CHRM5: variants seen among roughly 807,000 people sequenced by gnomAD.
The protein encoded by CHRM5 is muscarinic acetylcholine receptor M5.
Under a neutral mutation model 39.0 loss-of-function variants are expected in CHRM5, and 18 were observed. That is an observed-to-expected ratio of 0.46 (90% CI 0.32 to 0.68). The LOEUF is 0.68. Among genes scored for constraint, CHRM5 ranks in the 30% least tolerant of loss-of-function variants. The pLI, the probability that CHRM5 is intolerant of heterozygous loss-of-function variation, is 0.04. For synonymous variants in CHRM5, 241 were observed against 246.3 expected, an observed-to-expected ratio of 0.98 and a Z score of 0.20; for missense variants, 515 against 651.1, an observed-to-expected ratio of 0.79 and a Z score of 2.28.
At chr15:33,993,906 C>A (rs1896829831) in intron 1 of CHRM5, among the ~76,000 whole-genome samples, 1 of 152,100 alleles carries the variant, frequency 6.6e-6, no homozygotes, top group South Asian at 2.1e-4. Context: ...GGGCATGTTT[C>A]TTTTACTTCA....
intron 1 of CHRM5, among the ~76,000 whole-genome samples, chr15:33,998,022 T>G (rs1361510271): frequency 1.3e-5 from 2 of 152,160 alleles, no homozygotes; most frequent in African/African-American, 4.8e-5. Flanking sequence ...TGCTCTCTCC[T>G]TCCACTTCCA....
intron 1 of CHRM5, among the ~76,000 whole-genome samples, chr15:34,001,177 C>T (rs618868): frequency 0.81 from 122,252 of 151,820 alleles, 49,464 homozygotes; most frequent in East Asian, 1. Context: ...CCCGCCACCA[C>T]GCCCAGCTAA....
At chr15:34,006,856 G>A (rs1261827877) in intron 1 of CHRM5, among the ~76,000 whole-genome samples, 1 of 152,102 alleles carries the variant, frequency 6.6e-6, no homozygotes, top group East Asian at 1.9e-4. Flanking sequence ...AAAACTAGAG[G>A]TTTTATAGGT....
chr15:34,040,768 A>C (rs7168640), intron 1 of CHRM5, among the ~76,000 whole-genome samples: 26,220 of 152,040 alleles, frequency 0.17, 2,654 homozygotes, highest in Middle Eastern at 0.28. Flanking sequence ...TTCTACAAAA[A>C]TTAGCTGGGC....
At chr15:33,981,042 C>CT (rs907200822) in intron 1 of CHRM5, among the ~76,000 whole-genome samples, 2 of 151,906 alleles carry the variant, frequency 1.3e-5, no homozygotes, top group African/African-American at 4.8e-5. Flanking sequence ...TGAGGTCACA[C>CT]TGAGTTTTTA....
intron 1 of CHRM5, among the ~76,000 whole-genome samples, chr15:34,002,165 T>A (rs1391523456): frequency 6.6e-6 from 1 of 152,108 alleles, no homozygotes; most frequent in East Asian, 1.9e-4. Flanking sequence ...CTTATTCAAA[T>A]TTATTCATAC....
At chr15:34,030,858 T>C (rs1269803031) in intron 1 of CHRM5, among the ~76,000 whole-genome samples, 2 of 151,894 alleles carry the variant, frequency 1.3e-5, no homozygotes, top group African/African-American at 4.8e-5. Context: ...CCTTAAGCAG[T>C]CCTTCCACCT....
chr15:33,969,595 T>C (rs1168721076), intron 1 of CHRM5, among the ~76,000 whole-genome samples: 3 of 152,060 alleles, frequency 2.0e-5, no homozygotes, highest in Admixed American at 2.0e-4. Flanking sequence ...GCTCAATGAC[T>C]GATTTCTATT....
intron 1 of CHRM5, chr15:34,038,988 G>GGCCGGCCGCGGCCTGGCC: frequency 6.3e-6 from 7 of 1,115,508 alleles, no homozygotes; most frequent in Non-Finnish European, 7.6e-6. Flanking sequence ...ATCTCCGCCA[G>GGCCGGCCGCGGCCTGGCC]GCCGGCCGCG....
chr15:34,014,420 A>G (rs957883872), intron 1 of CHRM5, among the ~76,000 whole-genome samples: 1 of 149,408 alleles, frequency 6.7e-6, no homozygotes, highest in South Asian at 2.1e-4. Context: ...TTCTGGGAAG[A>G]TGGCAGCAGC....
chr15:34,022,392 A>G (rs747642531), intron 1 of CHRM5, among the ~76,000 whole-genome samples: 19 of 152,200 alleles, frequency 1.2e-4, no homozygotes, highest in Non-Finnish European at 2.8e-4. Context: ...CTCTCCCAAC[A>G]TTAGGGAGGA....
chr15:34,035,097 T>A (rs2140778647), intron 1 of CHRM5, among the ~76,000 whole-genome samples: 1 of 152,324 alleles, frequency 6.6e-6, no homozygotes, highest in East Asian at 1.9e-4. Flanking sequence ...ATTTCCTTTT[T>A]ACCCAGTGAA....
At position 34,064,726 on chromosome 15, in the gene CHRM5, T is replaced by C. The variant is rs1900466461; in HGVS notation, c.*410T>C. On this transcript the variant is annotated 3_prime_UTR_variant, in exon 3 of 3. Transcript: ENST00000383263. The stretch of plus-strand genomic sequence containing the variant: ...ATTTTGTGCAATATGTATGTGTCTA[T>C]GAAGCTGTCTTGTGCCAGTGAGAAC... 2 of 208,298 alleles carry C rather than the reference T, an allele frequency of 9.6e-6. No individual in the cohort carries two copies. The highest frequency in any genetic ancestry group is 2.2e-4 in the South Asian group (2 of 8,920). The allele number at this position is 208,298 out of a possible 1,614,324, so 12.9% of individuals were successfully genotyped here.
chr15:34,014,244 A>G (rs1368263356), intron 1 of CHRM5, among the ~76,000 whole-genome samples: 2 of 151,716 alleles, frequency 1.3e-5, no homozygotes, highest in African/African-American at 4.8e-5. Context: ...CGCACCTGTA[A>G]CCCCAGCTAC....
chr15:34,057,222 G>A (rs1010765917), intron 2 of CHRM5, among the ~76,000 whole-genome samples: 9 of 150,798 alleles, frequency 6.0e-5, no homozygotes, highest in African/African-American at 1.2e-4. Flanking sequence ...CAGCAACCTC[G>A]GCTTCCCAGG....
At chr15:34,031,634 T>C (rs1335874707) in intron 1 of CHRM5, among the ~76,000 whole-genome samples, 3 of 152,224 alleles carry the variant, frequency 2.0e-5, no homozygotes, top group African/African-American at 7.2e-5. Flanking sequence ...ATTAATCTCC[T>C]ATTTTTTTTT....
Position 34,064,310 on chromosome 15 carries a change from A to G in CHRM5, c.1593A>G (p.Leu531=). The change falls in exon 3 of 3, where the codon CTA becomes CTG. Residue 531 remains leucine (L), a synonymous_variant. Transcript: ENST00000383263. ...EKLYWQGNSK[L]P is the part of the protein sequence containing the mutation. ...TGTACTGGCAGGGGAACAGCAAGCT[A>G]CCCTGAAAAGTCAACAACTCCTCTC... is the stretch of plus-strand genomic sequence containing the variant. 3.7e-6 allele frequency: 6 copies of G among 1,610,682 alleles called. No homozygotes were observed. Among genetic ancestry groups the G allele is most frequent in the Non-Finnish European group, 5.1e-6 (6 of 1,178,498 alleles).
rs1245948944 is a variant in CHRM5 at position 34,063,705 on chromosome 15, A to G, written c.988A>G (p.Lys330Glu). 1.2e-6 allele frequency: 2 copies of G among 1,614,066 alleles called. No individual in the cohort carries two copies. Among genetic ancestry groups the G allele is most frequent in the African/African-American group, 2.7e-5 (2 of 74,916 alleles). ...VLQVVYKSQG[K>E]ESPGEEFSAE... ...CCAAGTGGTCTACAAGAGTCAGGGT[A>G]AGGAAAGCCCAGGGGAAGAATTCAG... Residue 330 changes from lysine to glutamate, a missense_variant, in exon 3 of 3, where the codon AAG becomes GAG. Physicochemically the swap from Lys to Glu is moderately conservative, Grantham distance 56 (BLOSUM62 1). Coordinates refer to ENST00000383263, the MANE Select transcript of CHRM5 (RefSeq NM_012125.4). This position sits in a 1 kb window ranked among gnomAD's most constrained non-coding sequence, Gnocchi z 4.1.
intron 1 of CHRM5, chr15:33,990,867 C>G (rs1014693692): frequency 2.6e-5 from 4 of 152,136 alleles, no homozygotes; most frequent in African/African-American, 9.7e-5. Flanking sequence ...GTTAAATTAC[C>G]TAACAACAGA....
Sources: allele counts gnomAD v4.1 joint callset (sites outside exome capture counted in the v4.1 genomes callset), GRCh38; gene constraint gnomAD v4.1.1; non-coding constraint Gnocchi (gnomAD v3.1); transcripts MANE v1.5; gene names NCBI Gene and HGNC (gene_info 2026-07-23, HGNC 2026-07-21).